Variants in PRLR observed in about 807,000 individuals in gnomAD.
PRLR encodes the protein hPRL receptor.
In PRLR, 13 loss-of-function variants were observed where a neutral mutation model predicts 40.2. That is an observed-to-expected ratio of 0.32 (90% CI 0.21 to 0.51). PRLR has a LOEUF of 0.51. PRLR is among the 20% of genes least tolerant of loss of function. The pLI is 0.97. For missense variants in PRLR, 656 were observed against 747.3 expected (o/e 0.88, Z 1.42); for synonymous variants, 269 against 278.7 (o/e 0.97, Z 0.35).
intron 1 of PRLR, among the ~76,000 whole-genome samples, chr5:35,204,402 T>C (rs563572421): frequency 6.6e-6 from 1 of 152,204 alleles, no homozygotes; most frequent in South Asian, 2.1e-4. Flanking sequence ...TGGGCCGCTT[T>C]CCTAAGGGAG....
At chr5:35,226,405 A>G (rs1464667229) in intron 1 of PRLR, among the ~76,000 whole-genome samples, 2 of 152,224 alleles carry the variant, frequency 1.3e-5, no homozygotes, top group African/African-American at 2.4e-5. Context: ...ACTGTAAAAT[A>G]AAAACAAAAA....
intron 1 of PRLR, among the ~76,000 whole-genome samples, chr5:35,150,820 T>C (rs1234704352): frequency 6.6e-6 from 1 of 152,130 alleles, no homozygotes; most frequent in Non-Finnish European, 1.5e-5. Context: ...AAAGAGACAT[T>C]TTCTCCCCAC....
intron 2 of PRLR, among the ~76,000 whole-genome samples, chr5:35,105,793 A>G (rs954044148): frequency 6.6e-6 from 1 of 152,244 alleles, no homozygotes; most frequent in Non-Finnish European, 1.5e-5. Flanking sequence ...CCAAGTTGGA[A>G]AACACTCTGC....
At chr5:35,049,637 A>ATG (rs1334049175) in intron 8 of PRLR, among the ~76,000 whole-genome samples, 4 of 152,200 alleles carry the variant, frequency 2.6e-5, no homozygotes, top group Admixed American at 6.5e-5. Flanking sequence ...CTTTCTCTAC[A>ATG]TGTGTCTATC....
chr5:35,101,715 T>A (rs867446178), intron 2 of PRLR, among the ~76,000 whole-genome samples: 1 of 149,084 alleles, frequency 6.7e-6, no homozygotes, highest in African/African-American at 2.4e-5. Flanking sequence ...CATACATATA[T>A]AAATATAAAA....
intron 3 of PRLR, among the ~76,000 whole-genome samples, chr5:35,089,143 T>C (rs974422065): frequency 7.9e-5 from 12 of 152,106 alleles, no homozygotes; most frequent in Non-Finnish European, 1.8e-4. Flanking sequence ...CCCATTATGG[T>C]TTTTTAAAGA....
chr5:35,201,655 G>T (rs1226650912), intron 1 of PRLR, among the ~76,000 whole-genome samples: 1 of 152,144 alleles, frequency 6.6e-6, no homozygotes, highest in Non-Finnish European at 1.5e-5. Flanking sequence ...GCATCTCAGA[G>T]ATCTCGGTCA....
At chr5:35,227,144 C>T (rs1436720211) in intron 1 of PRLR, among the ~76,000 whole-genome samples, 1 of 152,194 alleles carries the variant, frequency 6.6e-6, no homozygotes, top group Non-Finnish European at 1.5e-5. Flanking sequence ...GAATATTATC[C>T]TCCCATAGGT....
chr5:35,118,896 C>A (rs1773171158), intron 1 of PRLR, among the ~76,000 whole-genome samples: 1 of 151,936 alleles, frequency 6.6e-6, no homozygotes. Context: ...AGGTGATTCT[C>A]CCATTTCACC....
intron 1 of PRLR, among the ~76,000 whole-genome samples, chr5:35,159,900 A>G (rs942883620): frequency 2.0e-5 from 3 of 152,200 alleles, no homozygotes; most frequent in Non-Finnish European, 4.4e-5. Flanking sequence ...TTAGCCCTGG[A>G]ACTTTAGTCA....
intron 1 of PRLR, among the ~76,000 whole-genome samples, chr5:35,197,082 G>A (rs78495423): frequency 0.019 from 2,865 of 152,232 alleles, 116 homozygotes; most frequent in African/African-American, 0.066. Context: ...GTCATTTCAG[G>A]GTAGAGAGGT....
rs1269582895 is a variant in PRLR at position 35,062,576 on chromosome 5, T to G, written c.*2513A>C. On this transcript the variant is annotated 3_prime_UTR_variant, in exon 10 of 10. Coordinates refer to ENST00000618457, the MANE Select transcript of PRLR (RefSeq NM_000949.7). ...TCAAGTCCTTAGCTGTCACATTTTT[T>G]CATACGTATTATACAAAATTATATG... 6.6e-6 allele frequency: 1 copy of G among 152,100 alleles called. No homozygotes were observed. Among genetic ancestry groups the G allele is most frequent in the African/African-American group, 2.4e-5 (1 of 41,452 alleles). The allele number at this position is 152,100 out of a possible 1,614,324, so 9.4% of individuals were successfully genotyped here.
chr5:35,217,875 C>T (rs1205750100), intron 1 of PRLR, among the ~76,000 whole-genome samples: 1 of 152,140 alleles, frequency 6.6e-6, no homozygotes, highest in African/African-American at 2.4e-5. Context: ...TTCCTGTGAT[C>T]ACATAACTGC....
intron 1 of PRLR, among the ~76,000 whole-genome samples, chr5:35,142,157 A>G (rs928686996): frequency 6.6e-6 from 1 of 152,246 alleles, no homozygotes. Context: ...TTGGCCAAAC[A>G]AAAAACCTAG....
At chr5:35,195,157 C>T (rs1247293170) in intron 1 of PRLR, 1 of 152,254 alleles carries the variant, frequency 6.6e-6, no homozygotes, top group Admixed American at 6.5e-5. Context: ...CCTGTCTGGC[C>T]TCTCTCTGCC....
intron 8 of PRLR, 116 bp from the exon 9 acceptor site, chr5:35,068,401 G>C (rs1769515326): frequency 8.2e-6 from 7 of 857,368 alleles, no homozygotes; most frequent in Non-Finnish European, 1.3e-5. Flanking sequence ...TGGTTTGGCA[G>C]CTCCATGAAA....
intron 7 of PRLR, among the ~76,000 whole-genome samples, chr5:35,069,871 A>G (rs1311719115): frequency 6.6e-6 from 1 of 152,188 alleles, no homozygotes; most frequent in Non-Finnish European, 1.5e-5. Context: ...GGAGCATAAT[A>G]ACTGCTCATC....
intron 1 of PRLR, among the ~76,000 whole-genome samples, chr5:35,197,542 C>T (rs2111593935): frequency 6.6e-6 from 1 of 152,342 alleles, no homozygotes; most frequent in South Asian, 2.1e-4. Context: ...TGCCAGCACT[C>T]CTCAGCTCAG....
At chr5:35,222,071 A>G (rs1188718069) in intron 1 of PRLR, among the ~76,000 whole-genome samples, 4 of 152,174 alleles carry the variant, frequency 2.6e-5, no homozygotes, top group Non-Finnish European at 5.9e-5. Flanking sequence ...TTGGGAGGCC[A>G]AGGCGGGCAG....
Sources: allele counts gnomAD v4.1 joint callset (sites outside exome capture counted in the v4.1 genomes callset), GRCh38; gene constraint gnomAD v4.1.1; transcripts MANE v1.5; gene names NCBI Gene and HGNC (gene_info 2026-07-23, HGNC 2026-07-21).